The following CCDC73 variants were observed in gnomAD, a reference collection of about 807,000 sequenced individuals.
CCDC73 encodes coiled-coil domain containing 73, also known as coiled-coil domain-containing protein 73.
CCDC73 carries 95 observed loss-of-function variants against 116.5 expected under a neutral mutation model. The ratio of observed to expected loss-of-function variants is 0.82; its 90% CI spans 0.69 to 0.97. The LOEUF (loss-of-function observed/expected upper bound fraction) is 0.97, where lower values mean the gene tolerates loss of function less well. CCDC73 is among the 50% of genes least tolerant of loss of function. The pLI is 0.00. For missense variants in CCDC73, 1,066 were observed against 1,206.8 expected (o/e 0.88, Z 1.73); for synonymous variants, 398 against 401.3 (o/e 0.99, Z 0.10).
At chr11:32,718,533 G>A (rs1849964601) in intron 2 of CCDC73, among the ~76,000 whole-genome samples, 1 of 152,166 alleles carries the variant, frequency 6.6e-6, no homozygotes, top group Non-Finnish European at 1.5e-5. Context: ...TTTCTTCTAG[G>A]AAACCCACCA....
chr11:32,753,133 T>A (rs1360659607), intron 2 of CCDC73, among the ~76,000 whole-genome samples: 1 of 152,178 alleles, frequency 6.6e-6, no homozygotes, highest in African/African-American at 2.4e-5. Context: ...TTTAACTTTA[T>A]GATGGCTATT....
At chr11:32,736,919 G>C (rs192860082) in intron 2 of CCDC73, among the ~76,000 whole-genome samples, 235 of 148,518 alleles carry the variant, frequency 1.6e-3, no homozygotes, top group African/African-American at 5.5e-3. Context: ...GGACAAAAAA[G>C]CAAACACCAC....
intron 3 of CCDC73, among the ~76,000 whole-genome samples, chr11:32,703,872 C>T (rs1466275165): frequency 6.6e-6 from 1 of 152,184 alleles, no homozygotes; most frequent in East Asian, 1.9e-4. Flanking sequence ...GTTAATAATT[C>T]TCATCATTTA....
At chr11:32,629,866 G>T (rs1590554975) in intron 14 of CCDC73, among the ~76,000 whole-genome samples, 2 of 101,854 alleles carry the variant, frequency 2.0e-5, no homozygotes, top group Non-Finnish European at 1.9e-5. Context: ...AAATTAAGGA[G>T]AAATAAACCA....
rs186521524 is a variant in CCDC73 at position 32,627,886 on chromosome 11, G to A, written c.1185+7810C>T. 5.3e-3 allele frequency among the ~76,000 whole-genome samples: 801 copies of A among 152,050 alleles called. 3 individuals carry two copies. The highest frequency in any genetic ancestry group is 0.014 in the Middle Eastern group (4 of 294). On this transcript the variant is annotated intron_variant, in intron 14 of 17. Transcript: ENST00000335185. ...CCTAATGTTAAATGACGAGTTAATG[G>A]GTGCAGCACACCAACATGGCACATG...
chr11:32,650,993 AT>A (rs1210629267), intron 12 of CCDC73, among the ~76,000 whole-genome samples: 2 of 152,220 alleles, frequency 1.3e-5, no homozygotes, highest in African/African-American at 4.8e-5. Flanking sequence ...TAATATCATG[AT>A]CCCCTAGGCT....
At position 32,616,042 on chromosome 11, in the gene CCDC73, CT is replaced by C; in HGVS notation, c.1272del (p.Glu425LysfsTer2). 1 of 1,602,306 alleles carries C rather than the reference CT, an allele frequency of 6.2e-7. No individual in the cohort carries two copies. Among genetic ancestry groups the C allele is most frequent in the Non-Finnish European group, 8.5e-7 (1 of 1,175,066 alleles). Reference protein sequence around the residue: ...NTIIQKYNTEQEIREENMENF... With the variant: ...NTIIQKYNTEXEIREENMENF... ...TTCTCCATATTTTCTTCCCTTATTT[CT>C]TGCTCAGTATTATATTTCTGTATAA... On this transcript the variant is annotated frameshift_variant, in exon 15 of 18. Coordinates refer to ENST00000335185, the MANE Select transcript of CCDC73 (RefSeq NM_001008391.4). LOFTEE classifies it high-confidence loss of function.
At chr11:32,670,617 A>G (rs1417993152) in intron 9 of CCDC73, among the ~76,000 whole-genome samples, 3 of 152,182 alleles carry the variant, frequency 2.0e-5, no homozygotes, top group Non-Finnish European at 4.4e-5. Context: ...TAACAGGTAT[A>G]TGGGTAAAAC....
intron 6 of CCDC73, among the ~76,000 whole-genome samples, chr11:32,687,546 A>G (rs962884989): frequency 3.3e-5 from 5 of 152,348 alleles, no homozygotes; most frequent in African/African-American, 1.2e-4. Context: ...GAAATAAACT[A>G]AAATAATCCT....
chr11:32,648,559 T>C (rs963992044), intron 12 of CCDC73, among the ~76,000 whole-genome samples: 4 of 152,164 alleles, frequency 2.6e-5, no homozygotes, highest in Non-Finnish European at 4.4e-5. Context: ...ATACTCTTTT[T>C]TTTTTTTTTG....
chr11:32,768,283 G>A (rs889243510), intron 1 of CCDC73, among the ~76,000 whole-genome samples: 1 of 152,092 alleles, frequency 6.6e-6, no homozygotes, highest in African/African-American at 2.4e-5. Flanking sequence ...GAGAACACTC[G>A]GACACAGGAA....
At chr11:32,804,103 C>A in the CCDC73 span, among the ~76,000 whole-genome samples, 2 of 152,010 alleles carry the variant, frequency 1.3e-5, no homozygotes, top group Non-Finnish European at 2.9e-5. Flanking sequence ...AGCCACCACA[C>A]CCAACCTAAA....
intron 2 of CCDC73, chr11:32,758,362 A>G (rs576082641): frequency 2.0e-6 from 1 of 506,406 alleles, no homozygotes; most frequent in Non-Finnish European, 3.9e-6. Context: ...AGAATTGTTT[A>G]CCTTTATACC....
chr11:32,653,093 T>A, intron 12 of CCDC73, 30 bp downstream of exon 12: 2 of 1,275,674 alleles, frequency 1.6e-6, no homozygotes, highest in Middle Eastern at 1.9e-4. Context: ...CACAGATAGA[T>A]AGACAGACAG....
At chr11:32,657,327 T>G (rs889988220) in intron 9 of CCDC73, among the ~76,000 whole-genome samples, 2 of 152,222 alleles carry the variant, frequency 1.3e-5, no homozygotes, top group African/African-American at 4.8e-5. Context: ...ATAAAATGAC[T>G]GCTAAAGTAA....
chr11:32,635,721 GT>G lies in CCDC73; in HGVS notation c.1159del (p.Thr387HisfsTer14). 3.8e-6 allele frequency: 5 copies of G among 1,300,866 alleles called. No homozygotes were observed. Among genetic ancestry groups the G allele is most frequent in the Non-Finnish European group, 3.0e-6 (3 of 1,006,364 alleles). 80.6% of individuals were successfully genotyped at this position (1,300,866 alleles called of 1,614,324 possible). A position where few individuals can be genotyped will look rare whatever the true frequency, so the allele number is the denominator to read the frequency against. On this transcript the variant is annotated frameshift_variant, in exon 14 of 18. Coordinates refer to ENST00000335185, the MANE Select transcript of CCDC73 (RefSeq NM_001008391.4). LOFTEE classifies it high-confidence loss of function. ...EHYNKLCNQK[T>X]FEEDKKFQNV... Reference sequence around the variant, plus strand: ...CTGAAACTTTTTGTCTTCCTCAAATGTTTTTTGATTGCATAATTTGTTATAA... The same window carrying G: ...CTGAAACTTTTTGTCTTCCTCAAATGTTTTTGATTGCATAATTTGTTATAA...
chr11:32,730,646 A>C (rs951223680), intron 2 of CCDC73, among the ~76,000 whole-genome samples: 4 of 151,912 alleles, frequency 2.6e-5, no homozygotes, highest in Non-Finnish European at 5.9e-5. Context: ...TTTTCTGTGT[A>C]TTCATCCTAC....
At chr11:32,629,674 C>T (rs925801624) in intron 14 of CCDC73, among the ~76,000 whole-genome samples, 4 of 149,132 alleles carry the variant, frequency 2.7e-5, no homozygotes, top group South Asian at 4.2e-4. Flanking sequence ...CTGGTACAGG[C>T]GTAAGCCTCC....
chr11:32,699,799 C>A (rs1849792715), intron 5 of CCDC73, among the ~76,000 whole-genome samples: 1 of 151,694 alleles, frequency 6.6e-6, no homozygotes, highest in Non-Finnish European at 1.5e-5. Flanking sequence ...TTAATGGGTG[C>A]AGCACACCAA....
Sources: allele counts gnomAD v4.1 joint callset (sites outside exome capture counted in the v4.1 genomes callset), GRCh38; gene constraint gnomAD v4.1.1; transcripts MANE v1.5; gene names NCBI Gene and HGNC (gene_info 2026-07-23, HGNC 2026-07-21).